The following RPGRIP1 variants were observed in gnomAD, a reference collection of about 807,000 sequenced individuals.
RPGRIP1 encodes the protein X-linked retinitis pigmentosa GTPase regulator-interacting protein 1.
In RPGRIP1, 128 loss-of-function variants were observed where a neutral mutation model predicts 157.9. The observed-to-expected ratio is 0.81, with a 90% CI of 0.70 to 0.94. The LOEUF (loss-of-function observed/expected upper bound fraction) is 0.94, where lower values mean the gene tolerates loss of function less well. Ranked by LOEUF, RPGRIP1 falls within the 40% of genes least tolerant of loss-of-function variation. RPGRIP1 has a pLI of 0.00. For synonymous variants in RPGRIP1, 554 were observed against 571.6 expected (o/e 0.97, Z 0.44); for missense variants, 1,486 against 1,545.8 (o/e 0.96, Z 0.65).
At chr14:21,312,064 C>A in intron 9 of RPGRIP1, 94 bp downstream of exon 9, 2 of 1,195,512 alleles carry the variant, frequency 1.7e-6, no homozygotes, top group South Asian at 1.4e-5. Context: ...TGCATTTTTT[C>A]AAATGACAAA....
At chr14:21,335,553 G>A (rs756419728) in intron 21 of RPGRIP1, among the ~76,000 whole-genome samples, 8 of 152,124 alleles carry the variant, frequency 5.3e-5, no homozygotes, top group Non-Finnish European at 1.0e-4. Context: ...AAAAAAAGCC[G>A]GTTGCGGTGG....
At chr14:21,330,131 T>C in intron 19 of RPGRIP1, 118 bp from the exon 20 acceptor site, 1 of 571,782 alleles carries the variant, frequency 1.7e-6, no homozygotes, top group Non-Finnish European at 2.6e-6. Flanking sequence ...AAAATAATAA[T>C]AATAAAAATT....
intron 6 of RPGRIP1, among the ~76,000 whole-genome samples, chr14:21,307,278 T>C (rs565674856): frequency 1.1e-4 from 17 of 152,258 alleles, no homozygotes; most frequent in Admixed American, 3.9e-4. Flanking sequence ...GGTCTCCAAC[T>C]CCTGACCTCA....
At chr14:21,281,704 A>AAAAAT (rs368706187) in intron 1 of RPGRIP1, among the ~76,000 whole-genome samples, 14 of 133,996 alleles carry the variant, frequency 1.0e-4, no homozygotes, top group African/African-American at 2.4e-4. Context: ...AAAAAAAAAT[A>AAAAAT]AATAATAATA....
intron 4 of RPGRIP1, 65 bp downstream of exon 4, chr14:21,301,302 GTTT>G: frequency 6.7e-7 from 1 of 1,499,634 alleles, no homozygotes. Flanking sequence ...TGCCAGCCAC[GTTT>G]TCCTCACTGC....
chr14:21,312,346 C>T (rs1237013486), intron 9 of RPGRIP1, 87 bp from the exon 10 acceptor site: 9 of 844,968 alleles, frequency 1.1e-5, no homozygotes, highest in Non-Finnish European at 1.7e-5. Flanking sequence ...GCCTCTCACC[C>T]ACGCCCCTCC....
chr14:21,319,165 TGAAGTCTTGTAAG>T (rs1303976394), intron 11 of RPGRIP1, among the ~76,000 whole-genome samples: 2 of 152,200 alleles, frequency 1.3e-5, no homozygotes, highest in African/African-American at 4.8e-5. Flanking sequence ...GAAGCACAAA[TGAAGTCTTGTAAG>T]GACCTTCAGG....
At chr14:21,299,642 T>C (rs1880939976) in intron 3 of RPGRIP1, among the ~76,000 whole-genome samples, 1 of 152,234 alleles carries the variant, frequency 6.6e-6, no homozygotes, top group Admixed American at 6.5e-5. Flanking sequence ...TATCTTTTTC[T>C]ATTTATCTTT....
rs190490019 is a variant in RPGRIP1 at position 21,325,898 on chromosome 14, G to A, written c.2435G>A (p.Arg812Gln). The stretch of plus-strand genomic sequence containing the variant: ...GAAATCACCAAGTGCTGTGGCCTCC[G>A]GAGTCGATGGCTGGGAACTCAACCC... ...WIEITKCCGL[R>Q]SRWLGTQPSP... Residue 812 changes from arginine (R) to glutamine (Q), a missense_variant, in exon 17 of 25, where the codon CGG (arginine) becomes CAG (glutamine). Coordinates refer to ENST00000400017, the MANE Select transcript of RPGRIP1 (RefSeq NM_020366.4). 940 of 1,613,902 alleles carry A rather than the reference G, an allele frequency of 5.8e-4. 10 individuals are homozygous for A. In the South Asian group the frequency reaches 6.4e-3, roughly 11 times the overall value.
chr14:21,296,899 C>A (rs1366075142), intron 3 of RPGRIP1, among the ~76,000 whole-genome samples: 3 of 149,994 alleles, frequency 2.0e-5, no homozygotes, highest in Non-Finnish European at 4.4e-5. Context: ...TTGCAGTGAG[C>A]CGAAATTGTG....
intron 2 of RPGRIP1, among the ~76,000 whole-genome samples, chr14:21,290,023 A>AT (rs1177926038): frequency 6.6e-6 from 1 of 151,266 alleles, no homozygotes. Context: ...CACCTGGCTA[A>AT]TTTTTATATT....
intron 14 of RPGRIP1, among the ~76,000 whole-genome samples, chr14:21,322,667 C>T (rs1039416347): frequency 4.0e-5 from 6 of 151,586 alleles, no homozygotes; most frequent in Admixed American, 3.3e-4. Context: ...CTCCTCTCCC[C>T]TGTCCCTCTC....
At chr14:21,296,069 G>A (rs894143067) in intron 3 of RPGRIP1, among the ~76,000 whole-genome samples, 5 of 151,124 alleles carry the variant, frequency 3.3e-5, no homozygotes, top group Non-Finnish European at 7.4e-5. Context: ...CCAAGTAGCT[G>A]TGACTACAGG....
chr14:21,330,814 C>T (rs1420454308), intron 20 of RPGRIP1, among the ~76,000 whole-genome samples: 1 of 152,106 alleles, frequency 6.6e-6, no homozygotes, highest in Admixed American at 6.5e-5. Flanking sequence ...TTTTGTGTTA[C>T]AAGTGTGATG....
At chr14:21,319,085 A>C (rs774807852) in intron 11 of RPGRIP1, among the ~76,000 whole-genome samples, 14 of 152,210 alleles carry the variant, frequency 9.2e-5, no homozygotes, top group Non-Finnish European at 1.9e-4. Flanking sequence ...CGGAAGGAAA[A>C]GAAATGTGTG....
At chr14:21,327,888 A>C in intron 18 of RPGRIP1, 81 bp downstream of exon 18, 1 of 1,111,860 alleles carries the variant, frequency 9.0e-7, no homozygotes, top group South Asian at 1.8e-5. Context: ...TTATAGTTGA[A>C]GTAGGTGCAG....
chr14:21,328,564 T>A lies in RPGRIP1; in HGVS notation c.3036T>A (p.Gly1012=). 1 of 1,613,720 alleles carries A rather than the reference T, an allele frequency of 6.2e-7. No individual in the cohort carries two copies. The highest frequency in any genetic ancestry group is 8.5e-7 in the Non-Finnish European group (1 of 1,179,736). The change falls in exon 19 of 25, where the codon GGT becomes GGA. Residue 1012 remains glycine, a synonymous_variant. Transcript: ENST00000400017. ...GAAGAAAACATGGCAAAAGAATAGGTGTTCAAGGAAAGAATAGAATGGAGT... is the reference window on the plus strand; with the variant it reads ...GAAGAAAACATGGCAAAAGAATAGGAGTTCAAGGAAAGAATAGAATGGAGT... ...YSRRKHGKRI[G]VQGKNRMEYL... is the part of the protein sequence containing the mutation.
intron 21 of RPGRIP1, 76 bp from the exon 22 acceptor site, chr14:21,342,960 T>C (rs999420620): frequency 1.6e-5 from 16 of 995,370 alleles, no homozygotes; most frequent in Non-Finnish European, 2.5e-5. Context: ...AGTACCGTAA[T>C]GGGTTAATTG....
chr14:21,280,933 A>T (rs140218507), intron 1 of RPGRIP1, among the ~76,000 whole-genome samples: 284 of 152,268 alleles, frequency 1.9e-3, no homozygotes, highest in Admixed American at 3.1e-3. Flanking sequence ...TTTAATTGAC[A>T]ATTTGAAATT....
Sources: gnomAD v4.1 joint callset for allele counts (sites outside exome capture counted in the v4.1 genomes callset) on GRCh38, gnomAD v4.1.1 for gene constraint, MANE v1.5 for transcripts, NCBI Gene and HGNC (gene_info 2026-07-23, HGNC 2026-07-21) for gene names.